Variants in NLK observed in about 807,000 individuals in gnomAD.
The protein encoded by NLK is nemo like kinase.
In NLK, 11 loss-of-function variants were observed where a neutral mutation model predicts 59.0. That is an observed-to-expected ratio of 0.19 (90% confidence interval 0.12 to 0.31). The LOEUF (loss-of-function observed/expected upper bound fraction) is 0.31, where lower values mean the gene tolerates loss of function less well. Ranked by LOEUF, NLK falls within the 10% of genes least tolerant of loss-of-function variation. NLK has a pLI of 1.00. For missense variants in NLK, 410 were observed against 661.1 expected (o/e 0.62, Z 4.16); for synonymous variants, 235 against 235.9 (o/e 1.00, Z 0.03).
At chr17:28,077,688 T>C (rs1597667255) in intron 1 of NLK, among the ~76,000 whole-genome samples, 2 of 152,340 alleles carry the variant, frequency 1.3e-5, no homozygotes, top group South Asian at 4.1e-4. Flanking sequence ...ATGCCGAGAA[T>C]GCCATTATAT....
intron 1 of NLK, among the ~76,000 whole-genome samples, chr17:28,045,800 GT>G (rs1909030872): frequency 1.3e-5 from 2 of 152,088 alleles, no homozygotes; most frequent in South Asian, 4.2e-4. Flanking sequence ...TATTAGTGAG[GT>G]TTTTTACTTT....
At chr17:28,132,764 A>G in intron 3 of NLK, 89 bp downstream of exon 3, 1 of 1,079,290 alleles carries the variant, frequency 9.3e-7, no homozygotes, top group Non-Finnish European at 1.4e-6. Context: ...GCCTTCAAGT[A>G]TTTTAAATCT....
chr17:28,052,602 A>G (rs1909295816), intron 1 of NLK, among the ~76,000 whole-genome samples: 1 of 152,360 alleles, frequency 6.6e-6, no homozygotes, highest in East Asian at 1.9e-4. Flanking sequence ...ACATAGTGAA[A>G]GTATGCAATC....
rs528273011 is a variant in NLK, at chr17:28,088,609, G to T, written c.459-33994G>T. Among the ~76,000 whole-genome samples, 73 of 152,168 alleles carry T rather than the reference G, an allele frequency of 4.8e-4. 1 individual carries two copies. Among genetic ancestry groups the T allele is most frequent in the African/African-American group, 1.7e-3 (69 of 41,532 alleles). On this transcript the variant is annotated intron_variant, in intron 1 of 10. Transcript: ENST00000407008. ...GAAAAATATTTCTTAGTTTCAAATA[G>T]AAAAATATTTGATATTTTTATTTCA...
chr17:28,204,753 A>T, the NLK span, among the ~76,000 whole-genome samples: 1 of 152,246 alleles, frequency 6.6e-6, no homozygotes, highest in African/African-American at 2.4e-5. Flanking sequence ...TAAACAGGGC[A>T]GATAAGGAGA....
At chr17:28,198,336 AC>A (rs1385611183), downstream of NLK, among the ~76,000 whole-genome samples, 1 of 150,316 alleles carries the variant, frequency 6.7e-6, no homozygotes, top group Non-Finnish European at 1.5e-5. Flanking sequence ...AACTTCACTA[AC>A]TTTTTTTTTG....
At chr17:28,075,010 A>G (rs1910122028) in intron 1 of NLK, among the ~76,000 whole-genome samples, 1 of 152,234 alleles carries the variant, frequency 6.6e-6, no homozygotes, top group Non-Finnish European at 1.5e-5. Flanking sequence ...GATGTTTCTT[A>G]CAATTGTTTG....
At chr17:28,170,158 TG>T (rs1036946366) in intron 6 of NLK, among the ~76,000 whole-genome samples, 6 of 152,100 alleles carry the variant, frequency 3.9e-5, no homozygotes, top group African/African-American at 1.2e-4. Flanking sequence ...CATGGCATGT[TG>T]GAGGGAAGGT....
At chr17:28,176,190 T>TG (rs1352041204) in intron 7 of NLK, among the ~76,000 whole-genome samples, 1 of 152,214 alleles carries the variant, frequency 6.6e-6, no homozygotes, top group Admixed American at 6.5e-5. Flanking sequence ...GGTCTTCATT[T>TG]GGGGGTCTAA....
chr17:28,169,370 TTTC>T (rs1323644980), intron 6 of NLK, among the ~76,000 whole-genome samples: 7 of 152,230 alleles, frequency 4.6e-5, no homozygotes, highest in Non-Finnish European at 8.8e-5. Flanking sequence ...AGTGTGTTGA[TTTC>T]TTGAAATCTG....
In NLK at chr17:28,195,021, A is replaced by C. The variant is rs149750949; in HGVS notation, c.*385A>C. 28 of 161,382 alleles carry C rather than the reference A, an allele frequency of 1.7e-4. 1 individual carries two copies. The East Asian group carries it at 4.8e-3, about 27-fold the overall frequency. 10.0% of individuals were successfully genotyped at this position (161,382 alleles called of 1,614,324 possible). On this transcript the variant is annotated 3_prime_UTR_variant, in exon 11 of 11. Transcript: ENST00000407008. Reference sequence around the variant, plus strand: ...CACACACACACACACACACAAACACAAAGGACAGTCATACATTTTGATATT... The same window carrying C: ...CACACACACACACACACACAAACACCAAGGACAGTCATACATTTTGATATT...
At chr17:28,181,655 A>G (rs1015139335) in intron 7 of NLK, among the ~76,000 whole-genome samples, 27 of 152,108 alleles carry the variant, frequency 1.8e-4, no homozygotes, top group Middle Eastern at 3.2e-3. Context: ...TTGAATGCCA[A>G]ATATACTGTA....
rs1909428664 is a variant in NLK, at chr17:28,194,878, A to G, written c.*242A>G. ...AGAGTTGCACATGTTTTATGAATTT[A>G]GTGCAGCTGTTATGGCTCACCTCAG... On this transcript the variant is annotated 3_prime_UTR_variant, in exon 11 of 11. Coordinates refer to ENST00000407008, the MANE Select transcript of NLK (RefSeq NM_016231.5). 1 of 367,676 alleles carries G rather than the reference A, an allele frequency of 2.7e-6. No homozygotes were observed. The highest frequency in any genetic ancestry group is 4.9e-6 in the Non-Finnish European group (1 of 204,446). 22.8% of individuals were successfully genotyped at this position (367,676 alleles called of 1,614,324 possible). A position where few individuals can be genotyped will look rare whatever the true frequency, so the allele number is the denominator to read the frequency against.
intron 1 of NLK, among the ~76,000 whole-genome samples, chr17:28,077,887 A>G (rs922155900): frequency 6.6e-6 from 1 of 152,204 alleles, no homozygotes; most frequent in African/African-American, 2.4e-5. Context: ...TCGAAGAAAG[A>G]GTAATTCTTT....
intron 4 of NLK, among the ~76,000 whole-genome samples, chr17:28,161,754 A>G (rs1164586983): frequency 6.6e-6 from 1 of 152,182 alleles, no homozygotes; most frequent in East Asian, 1.9e-4. Flanking sequence ...TGGGAAGACC[A>G]ATAAACAGAG....
chr17:28,122,550 G>C, intron 1 of NLK, 53 bp from the exon 2 acceptor site: 1 of 1,596,388 alleles, frequency 6.3e-7, no homozygotes, highest in South Asian at 1.1e-5. Context: ...AACAAGGTGT[G>C]GAACTGATTT....
chr17:28,132,689 G>A lies in NLK; in HGVS notation c.644+14G>A. On this transcript the variant is annotated intron_variant, in intron 3 of 10. Transcript: ENST00000407008. The stretch of plus-strand genomic sequence containing the variant: ...TTTTGAAGAAATGTATCCTAACCAG[G>A]GAATGTGAAAGAAGGGGACAATTTT... 2 of 1,600,694 alleles carry A rather than the reference G, an allele frequency of 1.2e-6. No homozygotes were observed. The highest frequency in any genetic ancestry group is 1.1e-5 in the South Asian group (1 of 89,012).
At position 28,194,744 on chromosome 17, in the gene NLK, G is replaced by A; in HGVS notation, c.*108G>A. The A allele has an allele frequency of 1.7e-6, 1 of 589,922 alleles. No individual in the cohort carries two copies. The highest frequency in any genetic ancestry group is 3.3e-5 in the Admixed American group (1 of 30,742). The allele number at this position is 589,922 out of a possible 1,614,324, so 36.5% of individuals were successfully genotyped here. ...CTTGTACTGTAATTTTACTAATGAA[G>A]TTTTAAATTAACAACCACTACTTGT... is the stretch of plus-strand genomic sequence containing the variant. On this transcript the variant is annotated 3_prime_UTR_variant, in exon 11 of 11. Transcript: ENST00000407008.
chr17:28,140,264 T>C (rs975304820), intron 3 of NLK, among the ~76,000 whole-genome samples: 1 of 152,086 alleles, frequency 6.6e-6, no homozygotes, highest in Non-Finnish European at 1.5e-5. Context: ...ATTTTTATGA[T>C]GAAGAATAAC....
Sources: gnomAD v4.1 joint callset for allele counts (sites outside exome capture counted in the v4.1 genomes callset) on GRCh38, gnomAD v4.1.1 for gene constraint, MANE v1.5 for transcripts, NCBI Gene and HGNC (gene_info 2026-07-23, HGNC 2026-07-21) for gene names.